SNX29: variants seen among roughly 807,000 people sequenced by gnomAD.
SNX29 encodes sorting nexin-29.
In SNX29, 78 loss-of-function variants were observed where a neutral mutation model predicts 102.1. That is an observed-to-expected ratio of 0.76 (90% CI 0.64 to 0.92). The LOEUF is 0.92. Among genes scored for constraint, SNX29 ranks in the 40% least tolerant of loss-of-function variants. The pLI is 0.00. For missense variants in SNX29, 1,280 were observed against 1,061.7 expected, an observed-to-expected ratio of 1.21 and a Z score of -2.86; for synonymous variants, 580 against 414.5, an observed-to-expected ratio of 1.40 and a Z score of -4.85.
chr16:12,146,525 C>A (rs1324705245), intron 13 of SNX29, among the ~76,000 whole-genome samples: 2 of 152,198 alleles, frequency 1.3e-5, no homozygotes, highest in Non-Finnish European at 2.9e-5. Context: ...CTTGGCCTCC[C>A]AAAGTGCTGA....
chr16:12,171,222 G>C (rs1204781671), intron 13 of SNX29, among the ~76,000 whole-genome samples: 5 of 152,120 alleles, frequency 3.3e-5, no homozygotes, highest in African/African-American at 1.2e-4. Context: ...GTTTTAGAAA[G>C]CTGCCCACAC....
At chr16:12,471,015 C>T (rs9939410) in intron 18 of SNX29, among the ~76,000 whole-genome samples, 22,826 of 152,094 alleles carry the variant, frequency 0.15, 2,357 homozygotes, top group African/African-American at 0.3. Context: ...ACTGTGGGGA[C>T]GTGAACCCAG....
intron 1 of SNX29, among the ~76,000 whole-genome samples, chr16:11,980,299 A>G (rs2150958323): frequency 6.6e-6 from 1 of 152,310 alleles, no homozygotes; most frequent in East Asian, 1.9e-4. Flanking sequence ...TTCACTCGGT[A>G]TAATTTTCCT....
chr16:12,540,048 G>A (rs768946458), intron 20 of SNX29, among the ~76,000 whole-genome samples: 1 of 152,070 alleles, frequency 6.6e-6, no homozygotes, highest in African/African-American at 2.4e-5. Context: ...TTTACTTTTT[G>A]TGTCCCAGAT....
chr16:12,414,297 C>A (rs1462233720), intron 18 of SNX29, among the ~76,000 whole-genome samples: 1 of 152,114 alleles, frequency 6.6e-6, no homozygotes, highest in Admixed American at 6.5e-5. Context: ...TTGCTTGAGC[C>A]CAGGAGATCG....
chr16:12,440,386 C>T (rs1053327676), intron 18 of SNX29, among the ~76,000 whole-genome samples: 11 of 152,312 alleles, frequency 7.2e-5, no homozygotes, highest in African/African-American at 2.4e-4. Flanking sequence ...GTCTCCATCA[C>T]CCCCACAACC....
At chr16:12,177,353 G>A (rs1364206935) in intron 13 of SNX29, among the ~76,000 whole-genome samples, 5 of 152,160 alleles carry the variant, frequency 3.3e-5, no homozygotes, top group Admixed American at 3.3e-4. Context: ...GGAGGAGAGT[G>A]GAATTGGGCT....
At chr16:12,553,008 G>A (rs548469587) in intron 20 of SNX29, among the ~76,000 whole-genome samples, 2 of 152,358 alleles carry the variant, frequency 1.3e-5, no homozygotes, top group Admixed American at 6.5e-5. Context: ...AATCAGGAGA[G>A]TGGGATTAGA....
At chr16:12,179,556 T>A (rs1448670563) in intron 13 of SNX29, among the ~76,000 whole-genome samples, 1 of 152,232 alleles carries the variant, frequency 6.6e-6, no homozygotes, top group African/African-American at 2.4e-5. Context: ...AAATCTACTT[T>A]ACCTGAGCCT....
chr16:12,024,577 G>A (rs2057135792), intron 3 of SNX29, among the ~76,000 whole-genome samples: 1 of 152,188 alleles, frequency 6.6e-6, no homozygotes, highest in Non-Finnish European at 1.5e-5. Context: ...TAAAAGACTA[G>A]CATCCACCTG....
intron 14 of SNX29, among the ~76,000 whole-genome samples, chr16:12,249,911 C>G (rs1040448954): frequency 2.0e-5 from 3 of 152,186 alleles, no homozygotes; most frequent in Non-Finnish European, 4.4e-5. Context: ...CCTGCAGGTC[C>G]CAGCCCTCTG....
intron 13 of SNX29, among the ~76,000 whole-genome samples, chr16:12,196,575 A>C (rs1241479025): frequency 2.0e-5 from 3 of 151,864 alleles, no homozygotes; most frequent in African/African-American, 4.8e-5. Context: ...CAACTCTGCC[A>C]CAGTCCACAT....
chr16:12,503,947 A>C (rs1027097099), intron 19 of SNX29, among the ~76,000 whole-genome samples: 1 of 152,212 alleles, frequency 6.6e-6, no homozygotes, highest in African/African-American at 2.4e-5. Context: ...TGCACAAGTC[A>C]GTGGCTCTTA....
chr16:12,374,854 G>A (rs1488455866), intron 16 of SNX29: 1 of 152,134 alleles, frequency 6.6e-6, no homozygotes, highest in Non-Finnish European at 1.5e-5. Context: ...TAACACTTAG[G>A]ATTTAATGAC....
chr16:12,393,212 G>T (rs1334885495), intron 16 of SNX29, among the ~76,000 whole-genome samples: 1 of 152,196 alleles, frequency 6.6e-6, no homozygotes, highest in Non-Finnish European at 1.5e-5. Flanking sequence ...CTTTGGAGCA[G>T]TGAATCTGAG....
intron 20 of SNX29, among the ~76,000 whole-genome samples, chr16:12,541,668 C>G (rs1203137971): frequency 2.0e-5 from 3 of 152,172 alleles, no homozygotes; most frequent in Admixed American, 1.3e-4. Context: ...TGCAGCCGTG[C>G]TGACACCCGT....
intron 13 of SNX29, among the ~76,000 whole-genome samples, chr16:12,190,862 G>A (rs1488190038): frequency 6.6e-6 from 1 of 152,182 alleles, no homozygotes; most frequent in Non-Finnish European, 1.5e-5. Context: ...AGATGACGCT[G>A]GGGGAAAGTG....
chr16:12,542,064 C>T, intron 20 of SNX29, among the ~76,000 whole-genome samples: 1 of 152,066 alleles, frequency 6.6e-6, no homozygotes. Flanking sequence ...TATTCCTAGT[C>T]ACCAGTTAGT....
At chr16:12,564,934 TAA>T (rs6145751) in intron 20 of SNX29, among the ~76,000 whole-genome samples, 40,112 of 144,292 alleles carry the variant, frequency 0.28, 5,707 homozygotes, top group Middle Eastern at 0.4. Flanking sequence ...ACCTTGGTGT[TAA>T]AAAAAAAAAA....
Sources: gnomAD v4.1 joint callset for allele counts (sites outside exome capture counted in the v4.1 genomes callset) on GRCh38, gnomAD v4.1.1 for gene constraint, MANE v1.5 for transcripts, NCBI Gene and HGNC (gene_info 2026-07-23, HGNC 2026-07-21) for gene names.